The following GLT8D2 variants were observed in gnomAD, a reference collection of about 807,000 sequenced individuals.
The protein encoded by GLT8D2 is glycosyltransferase 8 domain containing 2.
A neutral mutation model predicts 44.5 loss-of-function variants in GLT8D2; 45 were observed. The ratio of observed to expected loss-of-function variants is 1.01; its 90% CI spans 0.80 to 1.30. The LOEUF (loss-of-function observed/expected upper bound fraction) is 1.30, where lower values mean the gene tolerates loss of function less well. Ranked by LOEUF, GLT8D2 falls within the 50% of genes most tolerant of loss-of-function variation. The probability of loss-of-function intolerance (pLI) is 0.00; values close to 1 mark genes in which losing one functional copy is unlikely to be tolerated. For missense variants in GLT8D2, 400 were observed against 430.4 expected (o/e 0.93, Z 0.62); for synonymous variants, 156 against 157.2 (o/e 0.99, Z 0.06).
intron 1 of GLT8D2, among the ~76,000 whole-genome samples, chr12:104,036,816 A>G (rs949660587): frequency 1.3e-5 from 2 of 152,228 alleles, no homozygotes; most frequent in African/African-American, 2.4e-5. Flanking sequence ...GTGGACCTCA[A>G]TAGACATCTA....
chr12:104,014,346 TTCTGTC>T (rs1418785174), intron 4 of GLT8D2: 1 of 676,746 alleles, frequency 1.5e-6, no homozygotes, highest in Non-Finnish European at 2.7e-6. Context: ...CAGAGTGAGA[TTCTGTC>T]TCAAAAAAAA....
chr12:104,015,393 A>AAC (rs55732553), intron 3 of GLT8D2, among the ~76,000 whole-genome samples: 10,060 of 126,026 alleles, frequency 0.08, 471 homozygotes, highest in Middle Eastern at 0.16. Flanking sequence ...AACAACAACA[A>AAC]ACACACACAC....
intron 4 of GLT8D2, among the ~76,000 whole-genome samples, chr12:104,010,385 C>T (rs898516383): frequency 6.6e-6 from 1 of 152,310 alleles, no homozygotes; most frequent in South Asian, 2.1e-4. Flanking sequence ...ATGGCTAACC[C>T]TTACATATTC....
intron 2 of GLT8D2, among the ~76,000 whole-genome samples, chr12:104,020,918 C>A (rs1320807147): frequency 6.6e-6 from 1 of 152,200 alleles, no homozygotes; most frequent in South Asian, 2.1e-4. Context: ...CCGGATACTA[C>A]TGTGCCTGAA....
chr12:104,043,568 G>A (rs1466621775), intron 1 of GLT8D2, among the ~76,000 whole-genome samples: 1 of 152,178 alleles, frequency 6.6e-6, no homozygotes, highest in Non-Finnish European at 1.5e-5. Context: ...CTGGGTTAGA[G>A]CAATTCTCCT....
chr12:104,016,333 C>T (rs1039674556), intron 3 of GLT8D2, among the ~76,000 whole-genome samples: 2 of 151,688 alleles, frequency 1.3e-5, no homozygotes, highest in Non-Finnish European at 2.9e-5. Context: ...TTAATTCAAC[C>T]CTTGGTCAAG....
intron 1 of GLT8D2, among the ~76,000 whole-genome samples, chr12:104,039,366 C>G (rs921122193): frequency 2.6e-5 from 4 of 152,178 alleles, no homozygotes; most frequent in African/African-American, 7.2e-5. Flanking sequence ...GCAACCTACA[C>G]AATGGGAGAA....
chr12:104,009,873 C>T (rs973213651), intron 4 of GLT8D2, among the ~76,000 whole-genome samples: 6 of 152,100 alleles, frequency 3.9e-5, no homozygotes, highest in Non-Finnish European at 8.8e-5. Context: ...GTAAGAAGTG[C>T]CTTTCACCTC....
At chr12:104,016,707 GAGAGAAAGAAAGAA>G (rs1183146438) in intron 3 of GLT8D2, among the ~76,000 whole-genome samples, 4 of 95,126 alleles carry the variant, frequency 4.2e-5, no homozygotes, top group East Asian at 2.5e-4. Flanking sequence ...AAGAAAGGGA[GAGAGAAAGAAAGAA>G]AGAAAGAAAG....
rs377107295 is a variant in GLT8D2, at chr12:103,997,535, G to A, written c.403C>T (p.Leu135=). Reference sequence around the variant, plus strand: ...GGGAGATAAAATCGAACAAAGTTCAGCTGTTAAAACGACAAAAGAAATGAT... The same window carrying A: ...GGGAGATAAAATCGAACAAAGTTCAACTGTTAAAACGACAAAAGAAATGAT... ...DSSRPELLQP[L]NFVRFYLPLL... Residue 135 remains leucine, a splice_region_variant and synonymous_variant, in exon 7 of 11, where the codon CTG becomes TTG. Transcript: ENST00000360814. 29 of 1,611,392 alleles carry A rather than the reference G, an allele frequency of 1.8e-5. No individual in the cohort carries two copies. The highest frequency in any genetic ancestry group is 2.4e-5 in the Non-Finnish European group (28 of 1,177,642).
chr12:104,059,501 A>G (rs1882447769), intron 1 of GLT8D2, among the ~76,000 whole-genome samples: 1 of 152,138 alleles, frequency 6.6e-6, no homozygotes, highest in Non-Finnish European at 1.5e-5. Context: ...CCTCTAGAAC[A>G]CATTCTGGAA....
intron 1 of GLT8D2, among the ~76,000 whole-genome samples, chr12:104,061,476 T>A (rs982753392): frequency 2.0e-5 from 3 of 152,144 alleles, no homozygotes; most frequent in Non-Finnish European, 4.4e-5. Flanking sequence ...TTAAACACTT[T>A]GGGTTTTATG....
intron 3 of GLT8D2, among the ~76,000 whole-genome samples, chr12:104,017,909 G>A (rs1877094869): frequency 6.6e-6 from 1 of 152,098 alleles, no homozygotes; most frequent in South Asian, 2.1e-4. Context: ...GTTAACCAAG[G>A]CAATGCAGGC....
At chr12:104,024,432 G>GA (rs1183943013) in intron 1 of GLT8D2, among the ~76,000 whole-genome samples, 1 of 151,256 alleles carries the variant, frequency 6.6e-6, no homozygotes, top group Non-Finnish European at 1.5e-5. Flanking sequence ...GACCTTGTCT[G>GA]AAAAAAAAGG....
At chr12:104,042,314 T>C (rs1034491471) in intron 1 of GLT8D2, among the ~76,000 whole-genome samples, 10 of 152,182 alleles carry the variant, frequency 6.6e-5, no homozygotes, top group African/African-American at 2.4e-4. Context: ...GGCAGCCACC[T>C]TGAGACCATG....
intron 1 of GLT8D2, among the ~76,000 whole-genome samples, chr12:104,022,649 C>A (rs1293030794): frequency 6.6e-6 from 1 of 152,054 alleles, no homozygotes; most frequent in African/African-American, 2.4e-5. Flanking sequence ...CAGCCCCACA[C>A]GAGTGTTCTG....
chr12:104,054,355 T>C (rs1167349611), upstream of GLT8D2, among the ~76,000 whole-genome samples: 3 of 152,170 alleles, frequency 2.0e-5, no homozygotes, highest in African/African-American at 7.2e-5. Context: ...TTCCTTTATA[T>C]GGCTGAATAA....
intron 10 of GLT8D2, 64 bp downstream of exon 10, chr12:103,993,328 C>G: frequency 7.7e-7 from 1 of 1,298,344 alleles, no homozygotes; most frequent in South Asian, 1.2e-5. Flanking sequence ...GAGACTCTGT[C>G]TCAAAAATAC....
At chr12:104,023,143 C>T (rs993364272) in intron 1 of GLT8D2, among the ~76,000 whole-genome samples, 1 of 152,098 alleles carries the variant, frequency 6.6e-6, no homozygotes, top group African/African-American at 2.4e-5. Context: ...TGCTATGCAT[C>T]AGGGGGAGGG....
Sources: allele counts gnomAD v4.1 joint callset (sites outside exome capture counted in the v4.1 genomes callset), GRCh38; gene constraint gnomAD v4.1.1; transcripts MANE v1.5; gene names NCBI Gene and HGNC (gene_info 2026-07-23, HGNC 2026-07-21).